DOCK5: variants seen among roughly 807,000 people sequenced by gnomAD.
The protein encoded by DOCK5 is dedicator of cytokinesis protein 5.
A neutral mutation model predicts 251.8 loss-of-function variants in DOCK5; 142 were observed. That is an observed-to-expected ratio of 0.56 (90% CI 0.49 to 0.65). The LOEUF (loss-of-function observed/expected upper bound fraction) is 0.65, where lower values mean the gene tolerates loss of function less well. DOCK5 is among the 30% of genes least tolerant of loss of function. The pLI is 0.00. For missense variants in DOCK5, 2,111 were observed against 2,312.3 expected (o/e 0.91, Z 1.79); for synonymous variants, 842 against 835.5 (o/e 1.01, Z -0.13).
intron 25 of DOCK5, among the ~76,000 whole-genome samples, chr8:25,344,212 C>G (rs749407967): frequency 2.0e-5 from 3 of 152,196 alleles, no homozygotes; most frequent in Non-Finnish European, 4.4e-5. Flanking sequence ...TGATAAAATA[C>G]TTTTCATTTT....
chr8:25,379,054 A>C (rs1329654146), intron 38 of DOCK5, among the ~76,000 whole-genome samples: 2 of 152,224 alleles, frequency 1.3e-5, no homozygotes, highest in African/African-American at 4.8e-5. Flanking sequence ...CAGAGCAAAG[A>C]TCACATGCTT....
At chr8:25,369,725 C>A in intron 34 of DOCK5, 84 bp downstream of exon 34, 2 of 1,200,876 alleles carry the variant, frequency 1.7e-6, no homozygotes, top group Admixed American at 2.1e-5. Context: ...ACCAATAGAG[C>A]AATTGAGTAG....
At chr8:25,195,251 C>CTAT (rs1246079093) in intron 1 of DOCK5, among the ~76,000 whole-genome samples, 1 of 106,232 alleles carries the variant, frequency 9.4e-6, no homozygotes, top group African/African-American at 4.3e-5. Context: ...CTCCTTATCA[C>CTAT]TTTTTTTTTT....
intron 1 of DOCK5, among the ~76,000 whole-genome samples, chr8:25,220,957 A>G (rs1001500806): frequency 2.0e-5 from 3 of 151,924 alleles, no homozygotes; most frequent in Non-Finnish European, 4.4e-5. Context: ...GGGAGTGGAG[A>G]AGGGATTGTT....
Position 25,325,977 on chromosome 8 carries a change from C to T in DOCK5, c.1903+430C>T, listed in dbSNP as rs140699216. 5.4e-3 allele frequency among the ~76,000 whole-genome samples: 817 copies of T among 152,016 alleles called. 4 individuals are homozygous for T. Among genetic ancestry groups the T allele is most frequent in the African/African-American group, 0.011 (460 of 41,470 alleles). On this transcript the variant is annotated intron_variant, in intron 18 of 51. Coordinates refer to ENST00000276440, the MANE Select transcript of DOCK5 (RefSeq NM_024940.8). ...GCAGGGCTTCCTGTTTGAGTTCTGTCCTTCCCTCCTATATTCTCTTCTTTC... is the reference window on the plus strand; with the variant it reads ...GCAGGGCTTCCTGTTTGAGTTCTGTTCTTCCCTCCTATATTCTCTTCTTTC...
In DOCK5 at chr8:25,408,949, T is replaced by C; in HGVS notation, c.5404+9T>C. 6.2e-7 allele frequency: 1 copy of C among 1,613,988 alleles called. No individual in the cohort carries two copies. Among genetic ancestry groups the C allele is most frequent in the Non-Finnish European group, 8.5e-7 (1 of 1,179,870 alleles). ...AGCCACCAGGACCCTAAGTAAGTTTTCCTGTATTCCTTATAGTCTTTTTAC... is the reference window on the plus strand; with the variant it reads ...AGCCACCAGGACCCTAAGTAAGTTTCCCTGTATTCCTTATAGTCTTTTTAC... On this transcript the variant is annotated intron_variant, in intron 50 of 51. Coordinates refer to ENST00000276440, the MANE Select transcript of DOCK5 (RefSeq NM_024940.8).
At chr8:25,305,445 G>T (rs1480723752) in intron 11 of DOCK5, 1 of 152,086 alleles carries the variant, frequency 6.6e-6, no homozygotes. Context: ...CGGGAAAATA[G>T]AAGTTTTATG....
At position 25,184,857 on chromosome 8, in the gene DOCK5, C is replaced by G. The variant is rs1173977675; in HGVS notation, c.-52C>G. On this transcript the variant is annotated 5_prime_UTR_variant, in exon 1 of 52. Coordinates refer to ENST00000276440, the MANE Select transcript of DOCK5 (RefSeq NM_024940.8). ...GCGCGGGGCGGCGGCGGCCGGAGCC[C>G]GAGGAGCTGTAGCAGCCTTAGTCGC... 2 of 1,295,018 alleles carry G rather than the reference C, an allele frequency of 1.5e-6. No homozygotes were observed. The highest frequency in any genetic ancestry group is 2.0e-6 in the Non-Finnish European group (2 of 1,015,308). 80.2% of individuals were successfully genotyped at this position (1,295,018 alleles called of 1,614,324 possible).
chr8:25,309,401 C>T (rs1378659842), intron 12 of DOCK5, among the ~76,000 whole-genome samples: 1 of 151,948 alleles, frequency 6.6e-6, no homozygotes, highest in African/African-American at 2.4e-5. Flanking sequence ...CCAGGCTGGT[C>T]TCAACTTCTG....
rs934876948 is a variant in DOCK5, at chr8:25,345,484, A to T, written c.2627A>T (p.Glu876Val). 1 of 1,613,726 alleles carries T rather than the reference A, an allele frequency of 6.2e-7. No individual in the cohort carries two copies. Among genetic ancestry groups the T allele is most frequent in the Non-Finnish European group, 8.5e-7 (1 of 1,179,832 alleles). Residue 876 changes from glutamate to valine, a missense_variant, in exon 26 of 52, where the codon GAA becomes GTA. Physicochemically the swap from Glu to Val is moderately radical, Grantham distance 121. Around this residue, in one of 3 missense-constraint regions of DOCK5, gnomAD observed 1,717 missense variants for 1,892.4 expected, o/e 0.91. Coordinates refer to ENST00000276440, the MANE Select transcript of DOCK5 (RefSeq NM_024940.8). ...STLFRQSECR[E>V]VLLPLLTDQL... ...GTGTTTTCCTTCTCAGAGTGCAGAG[A>T]AGTGCTGCTGCCACTGCTGACAGAC...
At chr8:25,367,075 ATGT>A in intron 31 of DOCK5, 105 bp downstream of exon 31, 2 of 985,650 alleles carry the variant, frequency 2.0e-6, no homozygotes, top group South Asian at 1.4e-5. Context: ...GTGGCTACCC[ATGT>A]TGTTAGTGAG....
chr8:25,390,396 C>A, intron 42 of DOCK5, 109 bp downstream of exon 42: 2 of 1,011,104 alleles, frequency 2.0e-6, no homozygotes, highest in Non-Finnish European at 2.8e-6. Context: ...TGCTCGAAGC[C>A]AGGAATTTGA....
intron 26 of DOCK5, 61 bp from the exon 27 acceptor site, chr8:25,351,669 GT>G: frequency 7.6e-7 from 1 of 1,320,102 alleles, no homozygotes; most frequent in East Asian, 2.4e-5. Context: ...TCTATCTGAG[GT>G]TCCTTAAAGA....
chr8:25,225,764 C>T (rs910764862), intron 1 of DOCK5, among the ~76,000 whole-genome samples: 12 of 150,848 alleles, frequency 8.0e-5, no homozygotes, highest in Non-Finnish European at 1.5e-4. Flanking sequence ...ACCTTGAGGA[C>T]GTTATGCTAA....
chr8:25,235,156 C>G (rs1648486893), intron 1 of DOCK5, among the ~76,000 whole-genome samples: 3 of 152,170 alleles, frequency 2.0e-5, no homozygotes, highest in Non-Finnish European at 2.9e-5. Context: ...TGTTGCCTCC[C>G]TTTTTCAGAG....
intron 2 of DOCK5, among the ~76,000 whole-genome samples, chr8:25,254,801 A>AAAAC (rs1803374535): frequency 6.7e-6 from 1 of 148,302 alleles, no homozygotes; most frequent in Non-Finnish European, 1.5e-5. Context: ...AACAAAAAAA[A>AAAAC]AAAACATTTG....
At chr8:25,411,078 T>G in intron 51 of DOCK5, 116 bp from the exon 52 acceptor site, 2 of 1,305,514 alleles carry the variant, frequency 1.5e-6, no homozygotes, top group Non-Finnish European at 2.0e-6. Context: ...GCAAAGCCTG[T>G]GTAGATAAAC....
At position 25,374,988 on chromosome 8, in the gene DOCK5, G is replaced by T. The variant is rs562996754; in HGVS notation, c.3816+334G>T. The T allele has an allele frequency of 1.2e-4, 145 of 1,176,450 alleles. No individual in the cohort carries two copies. The South Asian group carries it at 2.2e-3, about 18-fold the overall frequency. 72.9% of individuals were successfully genotyped at this position (1,176,450 alleles called of 1,614,324 possible). A position where few individuals can be genotyped will look rare whatever the true frequency, so the allele number is the denominator to read the frequency against. ...AAAACTGCAGAAAGATGAGTTATAAGTGAATATAGTACCATAGAAGTACTC... is the reference window on the plus strand; with the variant it reads ...AAAACTGCAGAAAGATGAGTTATAATTGAATATAGTACCATAGAAGTACTC... On this transcript the variant is annotated intron_variant, in intron 37 of 51. Coordinates refer to ENST00000276440, the MANE Select transcript of DOCK5 (RefSeq NM_024940.8).
intron 2 of DOCK5, among the ~76,000 whole-genome samples, 199 bp downstream of exon 2, chr8:25,243,956 T>C (rs1335126862): frequency 6.6e-6 from 1 of 152,206 alleles, no homozygotes; most frequent in African/African-American, 2.4e-5. Flanking sequence ...GAGCACAAAC[T>C]TGCACAGACA....
Sources: allele counts gnomAD v4.1 joint callset (sites outside exome capture counted in the v4.1 genomes callset), GRCh38; gene constraint gnomAD v4.1.1; regional missense constraint gnomAD v4.1.1; transcripts MANE v1.5; gene names NCBI Gene and HGNC (gene_info 2026-07-23, HGNC 2026-07-21).